BICD1: variants seen among roughly 807,000 people sequenced by gnomAD.
BICD1 encodes the protein protein bicaudal D homolog 1.
BICD1 carries 35 observed loss-of-function variants against 92.5 expected under a neutral mutation model. The ratio of observed to expected loss-of-function variants is 0.38; its 90% CI spans 0.29 to 0.50. BICD1 has a LOEUF of 0.50. Ranked by LOEUF, BICD1 falls within the 20% of genes least tolerant of loss-of-function variation. BICD1 has a pLI of 0.93. For missense variants in BICD1, 950 were observed against 1,189.8 expected (o/e 0.80, Z 2.97); for synonymous variants, 429 against 465.1 (o/e 0.92, Z 1.00).
In BICD1 at chr12:32,107,549, G is replaced by A; in HGVS notation, c.213+5G>A. 1 of 1,572,674 alleles carries A rather than the reference G, an allele frequency of 6.4e-7. No individual in the cohort carries two copies. The highest frequency in any genetic ancestry group is 8.6e-7 in the Non-Finnish European group (1 of 1,159,478). On this transcript the variant is annotated splice_donor_5th_base_variant and intron_variant, in intron 1 of 9. Transcript: ENST00000652176. ...GAGCTGGAGCAGCTCAAAGAGGTGAGTTGCCTGTCACCTCTCCCTTTCCTG... is the reference window on the plus strand; with the variant it reads ...GAGCTGGAGCAGCTCAAAGAGGTGAATTGCCTGTCACCTCTCCCTTTCCTG...
At chr12:32,317,352 A>T (rs1164365161) in intron 4 of BICD1, among the ~76,000 whole-genome samples, 1 of 152,154 alleles carries the variant, frequency 6.6e-6, no homozygotes, top group Non-Finnish European at 1.5e-5. Flanking sequence ...ATTTCTCCAC[A>T]TCCTCTCCAG....
At position 32,243,245 on chromosome 12, in the gene BICD1, G is replaced by A. The variant is rs192882300; in HGVS notation, c.426+26786G>A. Among the ~76,000 whole-genome samples, 913 of 138,886 alleles carry A rather than the reference G, an allele frequency of 6.6e-3. 5 individuals carry two copies. Among genetic ancestry groups the A allele is most frequent in the Non-Finnish European group, 9.4e-3 (615 of 65,268 alleles). 91.1% of individuals were successfully genotyped at this position (138,886 alleles called of 152,430 possible). A position where few individuals can be genotyped will look rare whatever the true frequency, so the allele number is the denominator to read the frequency against. On this transcript the variant is annotated intron_variant, in intron 2 of 9. Transcript: ENST00000652176. Reference sequence around the variant, plus strand: ...CCCAAGTAGCTAGGATTACAGGCACGCCCCACCATGCCTGGCTAATTTTTT... The same window carrying A: ...CCCAAGTAGCTAGGATTACAGGCACACCCCACCATGCCTGGCTAATTTTTT...
At chr12:32,135,314 G>T (rs1453668188) in intron 1 of BICD1, among the ~76,000 whole-genome samples, 3 of 148,036 alleles carry the variant, frequency 2.0e-5, no homozygotes, top group Admixed American at 1.4e-4. Flanking sequence ...TCTTGAACTT[G>T]TGACCTCAGG....
intron 1 of BICD1, among the ~76,000 whole-genome samples, chr12:32,173,681 C>G (rs190239285): frequency 5.8e-4 from 88 of 152,300 alleles, no homozygotes; most frequent in African/African-American, 1.9e-3. Flanking sequence ...ATTCTTCACT[C>G]TAAACCCAAT....
chr12:32,170,068 G>A (rs1342485223), intron 1 of BICD1, among the ~76,000 whole-genome samples: 1 of 152,194 alleles, frequency 6.6e-6, no homozygotes, highest in Non-Finnish European at 1.5e-5. Flanking sequence ...CTGTCCCTGA[G>A]TTTAATCCTA....
intron 1 of BICD1, among the ~76,000 whole-genome samples, chr12:32,209,615 C>T (rs978120419): frequency 6.6e-6 from 1 of 152,150 alleles, no homozygotes; most frequent in Non-Finnish European, 1.5e-5. Context: ...TCTTAAAATA[C>T]TTTAGAAGAG....
chr12:32,170,373 C>A (rs1943900418), intron 1 of BICD1, among the ~76,000 whole-genome samples: 1 of 152,144 alleles, frequency 6.6e-6, no homozygotes, highest in Admixed American at 6.5e-5. Context: ...GATATACATT[C>A]AATAAATAAA....
At chr12:32,112,847 A>G (rs1941749400) in intron 1 of BICD1, among the ~76,000 whole-genome samples, 1 of 152,214 alleles carries the variant, frequency 6.6e-6, no homozygotes, top group African/African-American at 2.4e-5. Flanking sequence ...TAAGAAGATA[A>G]TAAAAATAAT....
At chr12:32,170,735 A>T (rs1943911258) in intron 1 of BICD1, among the ~76,000 whole-genome samples, 1 of 152,208 alleles carries the variant, frequency 6.6e-6, no homozygotes, top group Non-Finnish European at 1.5e-5. Flanking sequence ...ATTAGAGATT[A>T]TCTGGTCCAG....
intron 1 of BICD1, among the ~76,000 whole-genome samples, chr12:32,169,059 T>C (rs1166971049): frequency 6.6e-6 from 1 of 152,158 alleles, no homozygotes; most frequent in Non-Finnish European, 1.5e-5. Flanking sequence ...TGCCCCTGCA[T>C]GGAATCTGCT....
At chr12:32,259,500 C>T (rs1261837481) in intron 2 of BICD1, among the ~76,000 whole-genome samples, 1 of 152,204 alleles carries the variant, frequency 6.6e-6, no homozygotes, top group Admixed American at 6.5e-5. Context: ...AACTCTTGTT[C>T]TTGCTGCATG....
intron 6 of BICD1, among the ~76,000 whole-genome samples, chr12:32,336,953 A>G (rs1259664040): frequency 6.6e-6 from 1 of 152,238 alleles, no homozygotes; most frequent in East Asian, 1.9e-4. Flanking sequence ...CTCTTTAAAA[A>G]ATAATAATGA....
intron 1 of BICD1, among the ~76,000 whole-genome samples, chr12:32,178,678 T>A (rs1175958453): frequency 1.3e-5 from 2 of 152,068 alleles, no homozygotes; most frequent in Admixed American, 1.3e-4. Flanking sequence ...GGCTGTTCTA[T>A]CTAGTGGATG....
At position 32,328,414 on chromosome 12, in the gene BICD1, A is replaced by G; in HGVS notation, c.1959A>G (p.Arg653=). The change falls in exon 5 of 10, where the codon AGA becomes AGG. Residue 653 remains arginine, a synonymous_variant. Transcript: ENST00000652176. The surrounding 1 kb of genome is among the most constrained non-coding windows in gnomAD (Gnocchi z 4.4). ...VDRSLQLSRQ[R]AAARELAPMI... ...GGTCCTTGCAACTGTCTCGTCAAAGAGCAGCGGCTCGGGAGCTAGCCCCCA... is the reference window on the plus strand; with the variant it reads ...GGTCCTTGCAACTGTCTCGTCAAAGGGCAGCGGCTCGGGAGCTAGCCCCCA... 6.2e-7 allele frequency: 1 copy of G among 1,614,230 alleles called. No individual in the cohort carries two copies. Among genetic ancestry groups the G allele is most frequent in the South Asian group, 1.1e-5 (1 of 91,086 alleles).
At chr12:32,291,767 G>A (rs894319343) in intron 2 of BICD1, among the ~76,000 whole-genome samples, 6 of 152,148 alleles carry the variant, frequency 3.9e-5, no homozygotes, top group African/African-American at 9.7e-5. Flanking sequence ...GAGCCTGGGA[G>A]GTCAAGACTG....
At chr12:32,339,922 G>A (rs1007130818) in intron 8 of BICD1, 16 of 851,330 alleles carry the variant, frequency 1.9e-5, no homozygotes, top group African/African-American at 3.7e-5. Flanking sequence ...CTGCGTTCAC[G>A]CATGTCAACA....
intron 1 of BICD1, among the ~76,000 whole-genome samples, chr12:32,154,811 T>G (rs537272856): frequency 2.0e-5 from 3 of 152,340 alleles, no homozygotes; most frequent in African/African-American, 7.2e-5. Flanking sequence ...GTACAAAATC[T>G]AGCATAGCCT....
intron 2 of BICD1, among the ~76,000 whole-genome samples, chr12:32,256,876 T>A (rs1157952634): frequency 6.6e-6 from 1 of 152,136 alleles, no homozygotes. Flanking sequence ...ATTATGCAGT[T>A]CATCATCAGA....
intron 2 of BICD1, among the ~76,000 whole-genome samples, chr12:32,290,805 G>A (rs927217280): frequency 1.3e-5 from 2 of 152,100 alleles, no homozygotes; most frequent in Non-Finnish European, 2.9e-5. Flanking sequence ...TGCTGTTCTT[G>A]GCTATAAATC....
Sources: gnomAD v4.1 joint callset for allele counts (sites outside exome capture counted in the v4.1 genomes callset) on GRCh38, gnomAD v4.1.1 for gene constraint, Gnocchi (gnomAD v3.1) non-coding constraint, MANE v1.5 for transcripts, NCBI Gene and HGNC (gene_info 2026-07-23, HGNC 2026-07-21) for gene names.